The following CSMD1 variants were observed in gnomAD, a reference collection of about 807,000 sequenced individuals.
CSMD1 encodes the protein CUB and sushi domain-containing protein 1.
CSMD1 carries 213 observed loss-of-function variants against 417.5 expected under a neutral mutation model. The observed-to-expected ratio is 0.51, with a 90% confidence interval of 0.46 to 0.57. The LOEUF (loss-of-function observed/expected upper bound fraction) is 0.57, where lower values mean the gene tolerates loss of function less well. Among genes scored for constraint, CSMD1 ranks in the 20% least tolerant of loss-of-function variants. CSMD1 has a pLI of 0.00. For missense variants in CSMD1, 6,923 were observed against 4,529.7 expected, an observed-to-expected ratio of 1.53 and a Z score of -15.17; for synonymous variants, 2,862 against 1,736.8, an observed-to-expected ratio of 1.65 and a Z score of -16.11.
At chr8:4,635,457 G>A (rs1365558622) in intron 2 of CSMD1, among the ~76,000 whole-genome samples, 1 of 152,066 alleles carries the variant, frequency 6.6e-6, no homozygotes, top group South Asian at 2.1e-4. Context: ...ATACCTGTCA[G>A]TCAAATTAAG....
intron 18 of CSMD1, among the ~76,000 whole-genome samples, chr8:3,378,188 G>A (rs1042970919): frequency 6.6e-6 from 1 of 152,160 alleles, no homozygotes; most frequent in Non-Finnish European, 1.5e-5. Context: ...AAATAGTCTT[G>A]GCTAAACCAG....
chr8:2,951,162 C>A lies in CSMD1; in HGVS notation c.10153G>T (p.Val3385Leu). ...GAGGCTTCGCTGAAGGTGGCATTCACCTTACTGCTTGTTGCATTGAACCAG... is the reference window on the plus strand; with the variant it reads ...GAGGCTTCGCTGAAGGTGGCATTCAACTTACTGCTTGTTGCATTGAACCAG... Reference protein sequence around the residue: ...VDWFNATSSKVNATFSEASPV... With the variant: ...VDWFNATSSKLNATFSEASPV... Residue 3385 changes from valine to leucine, a missense_variant, in exon 66 of 70, where the codon GTG becomes TTG. Coordinates refer to ENST00000635120, the MANE Select transcript of CSMD1 (RefSeq NM_033225.6). 3 of 1,613,652 alleles carry A rather than the reference C, an allele frequency of 1.9e-6. No homozygotes were observed. In the South Asian group the frequency reaches 3.3e-5, roughly 18 times the overall value.
intron 3 of CSMD1, among the ~76,000 whole-genome samples, chr8:4,388,765 GTCTT>G (rs767829734): frequency 4.6e-5 from 7 of 152,152 alleles, no homozygotes; most frequent in Non-Finnish European, 7.4e-5. Flanking sequence ...AATAAAACCT[GTCTT>G]TCTGTGTATT....
At chr8:4,265,599 A>G (rs1302988110) in intron 3 of CSMD1, among the ~76,000 whole-genome samples, 6 of 105,924 alleles carry the variant, frequency 5.7e-5, no homozygotes, top group African/African-American at 1.5e-4. Flanking sequence ...ATACAAAACA[A>G]GGATAATTAT....
intron 3 of CSMD1, among the ~76,000 whole-genome samples, chr8:4,098,051 G>C (rs941773157): frequency 6.6e-6 from 1 of 152,152 alleles, no homozygotes; most frequent in Non-Finnish European, 1.5e-5. Context: ...CAGGCACAGA[G>C]AATGCTCACT....
chr8:4,812,464 A>T (rs1321013254), intron 1 of CSMD1, among the ~76,000 whole-genome samples: 1 of 152,218 alleles, frequency 6.6e-6, no homozygotes, highest in Non-Finnish European at 1.5e-5. Flanking sequence ...TTCCCGACAC[A>T]TAGAAATAAT....
At chr8:3,416,640 G>T (rs1813169827) in intron 12 of CSMD1, among the ~76,000 whole-genome samples, 1 of 152,186 alleles carries the variant, frequency 6.6e-6, no homozygotes, top group African/African-American at 2.4e-5. Context: ...CACGTCCAGG[G>T]AGTTGCCTGG....
At chr8:3,924,536 G>A (rs62480127) in intron 5 of CSMD1, among the ~76,000 whole-genome samples, 1 of 151,988 alleles carries the variant, frequency 6.6e-6, no homozygotes, top group South Asian at 2.1e-4. Flanking sequence ...CGGTGGACTT[G>A]CTTCATTTTT....
intron 18 of CSMD1, among the ~76,000 whole-genome samples, chr8:3,384,839 A>G (rs1423001780): frequency 8.2e-6 from 1 of 122,470 alleles, no homozygotes; most frequent in Non-Finnish European, 1.6e-5. Context: ...AATAGTATAC[A>G]TATTTATATA....
At chr8:3,978,658 G>C (rs1813624577) in intron 5 of CSMD1, among the ~76,000 whole-genome samples, 1 of 152,134 alleles carries the variant, frequency 6.6e-6, no homozygotes, top group African/African-American at 2.4e-5. Flanking sequence ...TCCTCGTGGT[G>C]ATGATGAAAT....
intron 5 of CSMD1, among the ~76,000 whole-genome samples, chr8:3,778,015 A>G (rs1179135294): frequency 6.6e-6 from 1 of 152,222 alleles, no homozygotes; most frequent in East Asian, 1.9e-4. Context: ...GCAGCCTAAG[A>G]AACTCTGGCT....
At chr8:4,875,287 T>A (rs983046649) in intron 1 of CSMD1, among the ~76,000 whole-genome samples, 1 of 152,058 alleles carries the variant, frequency 6.6e-6, no homozygotes, top group African/African-American at 2.4e-5. Context: ...ACAAGCTCAC[T>A]GATTCTCAGT....
intron 21 of CSMD1, among the ~76,000 whole-genome samples, chr8:3,351,066 G>C (rs893840091): frequency 7.2e-5 from 11 of 152,158 alleles, no homozygotes; most frequent in African/African-American, 2.7e-4. Context: ...TTCACAGCTT[G>C]AAACTAAAGT....
intron 1 of CSMD1, among the ~76,000 whole-genome samples, chr8:4,781,362 C>G (rs1328728331): frequency 6.6e-6 from 1 of 152,222 alleles, no homozygotes; most frequent in Non-Finnish European, 1.5e-5. Context: ...AGATCCCTTT[C>G]TAGATCACTC....
intron 2 of CSMD1, among the ~76,000 whole-genome samples, chr8:4,465,879 G>A (rs1280267355): frequency 1.3e-5 from 2 of 152,188 alleles, no homozygotes; most frequent in African/African-American, 2.4e-5. Context: ...GTATCTGGAA[G>A]TGGCTGACTC....
intron 67 of CSMD1, among the ~76,000 whole-genome samples, chr8:2,949,760 A>G (rs1802499382): frequency 6.6e-6 from 1 of 152,230 alleles, no homozygotes; most frequent in South Asian, 2.1e-4. Flanking sequence ...TACATCATGT[A>G]TGGCTGTCTA....
chr8:3,397,777 G>T (rs977543111), intron 16 of CSMD1, among the ~76,000 whole-genome samples: 8 of 152,150 alleles, frequency 5.3e-5, no homozygotes, highest in African/African-American at 1.9e-4. Context: ...AGATTTCCAG[G>T]ATGACGTTGG....
At position 4,273,471 on chromosome 8, in the gene CSMD1, A is replaced by G. The variant is rs189905711; in HGVS notation, c.415+146482T>C. On this transcript the variant is annotated intron_variant, in intron 3 of 69. Coordinates refer to ENST00000635120, the MANE Select transcript of CSMD1 (RefSeq NM_033225.6). ...TGGGGTTTCAGAAGCAAATTATAAT[A>G]AATGCCTAATAAACTTATTTTGAGA... Among the ~76,000 whole-genome samples the G allele has an allele frequency of 1.7e-3, 263 of 152,300 alleles. 1 individual carries two copies. Among genetic ancestry groups the G allele is most frequent in the Non-Finnish European group, 1.4e-3 (95 of 68,022 alleles).
intron 3 of CSMD1, among the ~76,000 whole-genome samples, chr8:4,061,686 T>C (rs1348833155): frequency 6.6e-6 from 1 of 152,180 alleles, no homozygotes; most frequent in Non-Finnish European, 1.5e-5. Flanking sequence ...GAAATATCTT[T>C]TATGATTTTT....
Sources: gnomAD v4.1 joint callset for allele counts (sites outside exome capture counted in the v4.1 genomes callset) on GRCh38, gnomAD v4.1.1 for gene constraint, MANE v1.5 for transcripts, NCBI Gene and HGNC (gene_info 2026-07-23, HGNC 2026-07-21) for gene names.